Variants in SLC26A7 observed in about 807,000 individuals in gnomAD.
The protein encoded by SLC26A7 is solute carrier family 26 member 7, also known as anion exchange transporter.
SLC26A7 carries 59 observed loss-of-function variants against 82.5 expected under a neutral mutation model. The ratio of observed to expected loss-of-function variants is 0.72; its 90% CI spans 0.58 to 0.89. The LOEUF is 0.89. Among genes scored for constraint, SLC26A7 ranks in the 40% least tolerant of loss-of-function variants. The probability of loss-of-function intolerance (pLI) is 0.00; values close to 1 mark genes in which losing one functional copy is unlikely to be tolerated. For synonymous variants in SLC26A7, 271 were observed against 274.3 expected (o/e 0.99, Z 0.12); for missense variants, 820 against 793.0 (o/e 1.03, Z -0.41).
intron 5 of SLC26A7, among the ~76,000 whole-genome samples, chr8:91,324,637 C>T (rs2130817225): frequency 6.6e-6 from 1 of 152,234 alleles, no homozygotes; most frequent in East Asian, 1.9e-4. Flanking sequence ...CATTTTTGTT[C>T]CCGTGGAATT....
At chr8:91,240,281 C>T (rs1322228691) in intron 2 of SLC26A7, among the ~76,000 whole-genome samples, 1 of 152,088 alleles carries the variant, frequency 6.6e-6, no homozygotes, top group Admixed American at 6.5e-5. Context: ...TATTTTACTG[C>T]TAGTAATATA....
chr8:91,218,880 T>A, intron 1 of SLC26A7: 1 of 1,502,818 alleles, frequency 6.7e-7, no homozygotes, highest in South Asian at 1.2e-5. Context: ...TTTTAATCTT[T>A]ACTTTTTAGG....
At position 91,256,661 on chromosome 8, in the gene SLC26A7, C is replaced by A. The variant is rs185207986; in HGVS notation, c.193+6817C>A. Among the ~76,000 whole-genome samples the A allele has an allele frequency of 9.9e-5, 15 of 152,212 alleles. No homozygotes were observed. In the East Asian group the frequency reaches 1.4e-3, roughly 14 times the overall value. On this transcript the variant is annotated intron_variant, in intron 2 of 18. Transcript: ENST00000276609. ...GAGTCCTGATGACAACTACTATAGC[C>A]CTGACTCTCCATTTGCATGTGCAAA...
chr8:91,289,132 A>C lies in SLC26A7; in HGVS notation c.194-4A>C, dbSNP rs766129905. ...GGTTTTAATTACCCTAGTCTTCTTC[A>C]CAGGATTGGCCTTTGCTGTTCTCTC... On this transcript the variant is annotated splice_region_variant and splice_polypyrimidine_tract_variant and intron_variant, in intron 2 of 18. Transcript: ENST00000276609. 1.2e-6 allele frequency: 2 copies of C among 1,608,652 alleles called. No homozygotes were observed. The highest frequency in any genetic ancestry group is 1.7e-6 in the Non-Finnish European group (2 of 1,175,230).
chr8:91,280,179 A>C (rs1214117409), intron 2 of SLC26A7, among the ~76,000 whole-genome samples: 24 of 152,326 alleles, frequency 1.6e-4, no homozygotes, highest in Non-Finnish European at 2.9e-5. Context: ...ATCAGTGCCC[A>C]GACCAATGTC....
intron 2 of SLC26A7, among the ~76,000 whole-genome samples, chr8:91,272,027 A>C (rs1811286680): frequency 6.6e-6 from 1 of 151,926 alleles, no homozygotes; most frequent in Non-Finnish European, 1.5e-5. Context: ...TTTTGTGCTT[A>C]GTACTTCCTA....
intron 9 of SLC26A7, among the ~76,000 whole-genome samples, chr8:91,344,961 T>C (rs967403393): frequency 6.6e-6 from 1 of 152,036 alleles, no homozygotes; most frequent in African/African-American, 2.4e-5. Context: ...TCTTTTTTTT[T>C]TGGCAGAGTC....
chr8:91,289,113 A>T, intron 2 of SLC26A7, 23 bp from the exon 3 acceptor site: 1 of 1,557,172 alleles, frequency 6.4e-7, no homozygotes, highest in Non-Finnish European at 8.9e-7. Context: ...AGGTGGTTTT[A>T]ATTACCCTAG....
rs11993819 is a variant in SLC26A7, at chr8:91,264,722, G to A, written c.193+14878G>A. Reference sequence around the variant, plus strand: ...GGTTTCCCAAACCTCATTAAGTACAGATGTTCAGGAGGTTACTTGCCAAAA... The same window carrying A: ...GGTTTCCCAAACCTCATTAAGTACAAATGTTCAGGAGGTTACTTGCCAAAA... On this transcript the variant is annotated intron_variant, in intron 2 of 18. Coordinates refer to ENST00000276609, the MANE Select transcript of SLC26A7 (RefSeq NM_052832.4). Among the ~76,000 whole-genome samples the A allele has an allele frequency of 5.2e-3, 787 of 152,116 alleles. 5 individuals are homozygous for A. The highest frequency in any genetic ancestry group is 0.018 in the African/African-American group (745 of 41,514).
chr8:91,345,402 A>G (rs1275173076), intron 9 of SLC26A7, among the ~76,000 whole-genome samples: 1 of 152,292 alleles, frequency 6.6e-6, no homozygotes, highest in African/African-American at 2.4e-5. Context: ...GTGACTTTGC[A>G]CAAGTAACTT....
At chr8:91,377,695 A>C (rs577215602) in intron 15 of SLC26A7, among the ~76,000 whole-genome samples, 2 of 152,288 alleles carry the variant, frequency 1.3e-5, no homozygotes, top group Non-Finnish European at 2.9e-5. Flanking sequence ...GGGACACCCT[A>C]AGAGTTTGGT....
chr8:91,301,099 G>A (rs1427274612), intron 4 of SLC26A7, among the ~76,000 whole-genome samples: 2 of 152,008 alleles, frequency 1.3e-5, no homozygotes, highest in Non-Finnish European at 2.9e-5. Flanking sequence ...AGTTGGTCAC[G>A]GTCTATTTTA....
intron 4 of SLC26A7, among the ~76,000 whole-genome samples, chr8:91,297,884 A>AT (rs1223845371): frequency 1.3e-5 from 2 of 151,894 alleles, no homozygotes; most frequent in Non-Finnish European, 1.5e-5. Flanking sequence ...TTTCAGGTTG[A>AT]TTTTTTTCTC....
At chr8:91,267,546 A>T (rs1811147555) in intron 2 of SLC26A7, among the ~76,000 whole-genome samples, 1 of 151,788 alleles carries the variant, frequency 6.6e-6, no homozygotes, top group South Asian at 2.1e-4. Context: ...TTCATTGGTC[A>T]ATAGTTGTTC....
upstream of SLC26A7, among the ~76,000 whole-genome samples, chr8:91,248,858 A>G (rs568757625): frequency 4.6e-5 from 7 of 152,274 alleles, no homozygotes; most frequent in East Asian, 1.2e-3. Flanking sequence ...ATATGTGCTC[A>G]TTGTGATACT....
chr8:91,252,637 C>A (rs150332358), intron 2 of SLC26A7, among the ~76,000 whole-genome samples: 1 of 152,164 alleles, frequency 6.6e-6, no homozygotes, highest in African/African-American at 2.4e-5. Context: ...TAATCACCCC[C>A]TTCATGCTAA....
At chr8:91,330,037 G>C (rs996694) in intron 5 of SLC26A7, among the ~76,000 whole-genome samples, 34,307 of 151,976 alleles carry the variant, frequency 0.23, 5,428 homozygotes, top group African/African-American at 0.44. Context: ...CTTTTCTTTT[G>C]AAGTAGCATG....
At chr8:91,394,493 T>C (rs1808512228) in intron 18 of SLC26A7, 23 of 1,326,022 alleles carry the variant, frequency 1.7e-5, no homozygotes, top group Admixed American at 3.6e-5. Context: ...TGATCTGAAG[T>C]GTCAAAGTTA....
At chr8:91,291,149 A>G (rs750940011) in intron 3 of SLC26A7, among the ~76,000 whole-genome samples, 1 of 152,152 alleles carries the variant, frequency 6.6e-6, no homozygotes, top group Non-Finnish European at 1.5e-5. Context: ...AGAGCTTTAC[A>G]TATGTTATTT....
Sources: gnomAD v4.1 joint callset for allele counts (sites outside exome capture counted in the v4.1 genomes callset) on GRCh38, gnomAD v4.1.1 for gene constraint, MANE v1.5 for transcripts, NCBI Gene and HGNC (gene_info 2026-07-23, HGNC 2026-07-21) for gene names.